The following SLC35F5 variants were observed in gnomAD, a reference collection of about 807,000 sequenced individuals.
The protein encoded by SLC35F5 is HCV NS5A-transactivated protein 3.
SLC35F5 carries 54 observed loss-of-function variants against 68.6 expected under a neutral mutation model. The observed-to-expected ratio is 0.79, with a 90% CI of 0.63 to 0.99. The LOEUF is 0.99. Among genes scored for constraint, SLC35F5 ranks in the 50% least tolerant of loss-of-function variants. The pLI is 0.00. For missense variants in SLC35F5, 567 were observed against 626.9 expected, an observed-to-expected ratio of 0.90 and a Z score of 1.02; for synonymous variants, 211 against 205.2, an observed-to-expected ratio of 1.03 and a Z score of -0.24.
chr2:113,750,593 C>T (rs746843358), intron 3 of SLC35F5, 25 bp from the exon 4 acceptor site: 1 of 1,587,070 alleles, frequency 6.3e-7, no homozygotes, highest in Non-Finnish European at 8.6e-7. Context: ...GTTACACAGA[C>T]AACTCTGAGA....
intron 5 of SLC35F5, among the ~76,000 whole-genome samples, chr2:113,745,264 C>A (rs549703556): frequency 6.6e-6 from 1 of 151,946 alleles, no homozygotes; most frequent in South Asian, 2.1e-4. Context: ...GCTTAAGATC[C>A]CAGGAAAAAA....
chr2:113,733,803 A>G (rs1443169140), intron 9 of SLC35F5, among the ~76,000 whole-genome samples: 1 of 152,266 alleles, frequency 6.6e-6, no homozygotes, highest in Non-Finnish European at 1.5e-5. Flanking sequence ...GAGTTTAAGA[A>G]AACTGCCCCA....
In SLC35F5 at chr2:113,713,326, C is replaced by T. The variant is rs1687058783; in HGVS notation, c.*1892G>A. ...TTAGTACTTCCAGAATCCTGAGTAA[C>T]AACACATGACCTGTGTGATGATAAG... On this transcript the variant is annotated 3_prime_UTR_variant, in exon 16 of 16. Transcript: ENST00000245680. 1 of 152,174 alleles carries T rather than the reference C, an allele frequency of 6.6e-6. No individual in the cohort carries two copies. The highest frequency in any genetic ancestry group is 1.5e-5 in the Non-Finnish European group (1 of 68,036). 9.4% of individuals were successfully genotyped at this position (152,174 alleles called of 1,614,324 possible).
At position 113,753,168 on chromosome 2, in the gene SLC35F5, C is replaced by CTTTTTTTTTTTTTT. The variant is rs1173478465; in HGVS notation, c.273+1983_273+1996dup. 3.9e-3 allele frequency among the ~76,000 whole-genome samples: 193 copies of CTTTTTTTTTTTTTT among 49,070 alleles called. 61 individuals are homozygous for CTTTTTTTTTTTTTT. Among genetic ancestry groups the CTTTTTTTTTTTTTT allele is most frequent in the Non-Finnish European group, 5.5e-3 (155 of 28,286 alleles). 32.2% of individuals were successfully genotyped at this position (49,070 alleles called of 152,430 possible). ...CACTTTATCTCCAAAGTTTGTTTTT[C>CTTTTTTTTTTTTTT]TTTTTTTTTTTTTTTTTTTTTTTTT... On this transcript the variant is annotated intron_variant, in intron 3 of 15. Transcript: ENST00000245680.
At chr2:113,717,563 AAG>A in intron 15 of SLC35F5, 188 bp downstream of exon 15, 1 of 397,224 alleles carries the variant, frequency 2.5e-6, no homozygotes, top group East Asian at 3.8e-5. Context: ...CTGGAGCATC[AAG>A]AGATTAAGAA....
chr2:113,742,627 G>A (rs777043664), intron 7 of SLC35F5, 65 bp downstream of exon 7: 1 of 1,470,902 alleles, frequency 6.8e-7, no homozygotes, highest in Non-Finnish European at 9.4e-7. Flanking sequence ...TATATTGTTG[G>A]TATGTATACA....
In SLC35F5 at chr2:113,755,494, C is replaced by CG; in HGVS notation, c.90dup (p.Gly31ArgfsTer5). 6.2e-7 allele frequency: 1 copy of CG among 1,614,004 alleles called. No individual in the cohort carries two copies. The highest frequency in any genetic ancestry group is 8.5e-7 in the Non-Finnish European group (1 of 1,179,982). ...CTTCTGAGATCCTCAAGAGCAATGC[C>CG]GGAAAACTTGGCAGATCTCAGTCTA... On this transcript the variant is annotated frameshift_variant, in exon 2 of 16. Transcript: ENST00000245680. LOFTEE classifies it high-confidence loss of function.
At chr2:113,715,298 C>A (rs537376269) in intron 15 of SLC35F5, 103 bp from the exon 16 acceptor site, 5 of 152,036 alleles carry the variant, frequency 3.3e-5, no homozygotes, top group African/African-American at 9.7e-5. Flanking sequence ...ATTGAAATAC[C>A]TATTTTCACT....
rs1377423430 is a variant in SLC35F5, at chr2:113,713,351, G to A, written c.*1867C>T. On this transcript the variant is annotated 3_prime_UTR_variant, in exon 16 of 16. Transcript: ENST00000245680. ...CAACACATGACCTGTGTGATGATAA[G>A]AGCACAGAACACATGAACAACCAAA... 2.0e-5 allele frequency: 3 copies of A among 151,954 alleles called. No individual in the cohort carries two copies. Among genetic ancestry groups the A allele is most frequent in the Non-Finnish European group, 4.4e-5 (3 of 67,980 alleles). The allele number at this position is 151,954 out of a possible 1,614,324, so 9.4% of individuals were successfully genotyped here. A position where few individuals can be genotyped will look rare whatever the true frequency, so the allele number is the denominator to read the frequency against.
chr2:113,704,475 C>T (rs1271090632), downstream of SLC35F5, among the ~76,000 whole-genome samples: 3 of 152,176 alleles, frequency 2.0e-5, no homozygotes, highest in East Asian at 3.9e-4. Flanking sequence ...GAGCAGGGGG[C>T]GCTCTGGCCA....
intron 4 of SLC35F5, among the ~76,000 whole-genome samples, chr2:113,746,597 A>C (rs1053772982): frequency 6.6e-6 from 1 of 152,146 alleles, no homozygotes; most frequent in African/African-American, 2.4e-5. Flanking sequence ...TTAGTCTAAA[A>C]CCAAAGCTTA....
At chr2:113,717,267 T>C (rs1490288364) in intron 15 of SLC35F5, among the ~76,000 whole-genome samples, 2 of 152,148 alleles carry the variant, frequency 1.3e-5, no homozygotes, top group African/African-American at 4.8e-5. Context: ...AGAATGAGGA[T>C]AAACACTGTG....
At chr2:113,755,619 C>G in intron 1 of SLC35F5, 75 bp from the exon 2 acceptor site, 1 of 1,356,590 alleles carries the variant, frequency 7.4e-7, no homozygotes, top group Non-Finnish European at 1.0e-6. Flanking sequence ...GTTTTTTACT[C>G]TTCATCTTCA....
At chr2:113,755,622 C>T (rs1676948767) in intron 1 of SLC35F5, 78 bp from the exon 2 acceptor site, 2 of 1,330,294 alleles carry the variant, frequency 1.5e-6, no homozygotes, top group South Asian at 1.2e-5. Context: ...TTTTACTCTT[C>T]ATCTTCAAAC....
chr2:113,729,357 A>T, intron 11 of SLC35F5, 44 bp downstream of exon 11: 1 of 1,009,272 alleles, frequency 9.9e-7, no homozygotes, highest in Non-Finnish European at 1.5e-6. Flanking sequence ...ACCCTGTGTT[A>T]ATCATTTAGA....
chr2:113,743,547 T>C (rs940642591), intron 6 of SLC35F5, among the ~76,000 whole-genome samples, 166 bp downstream of exon 6: 1 of 152,212 alleles, frequency 6.6e-6, no homozygotes, highest in Non-Finnish European at 1.5e-5. Context: ...AAAATGATTA[T>C]ACTATATTAG....
At chr2:113,705,727 TCA>T (rs1218968685), downstream of SLC35F5, among the ~76,000 whole-genome samples, 9 of 114,864 alleles carry the variant, frequency 7.8e-5, no homozygotes, top group East Asian at 1.9e-3. Context: ...GATTCTATTT[TCA>T]GTCTTTCAAG....
chr2:113,720,144 A>C (rs1053429214), intron 13 of SLC35F5, among the ~76,000 whole-genome samples: 1 of 151,928 alleles, frequency 6.6e-6, no homozygotes, highest in African/African-American at 2.4e-5. Context: ...CCCTTTCACT[A>C]GTTCACTTTT....
At chr2:113,750,352 T>G in intron 4 of SLC35F5, 73 bp downstream of exon 4, 1 of 1,355,690 alleles carries the variant, frequency 7.4e-7, no homozygotes. Context: ...TTAAAGAAAC[T>G]AATACATCTT....
Sources: gnomAD v4.1 joint callset for allele counts (sites outside exome capture counted in the v4.1 genomes callset) on GRCh38, gnomAD v4.1.1 for gene constraint, MANE v1.5 for transcripts, NCBI Gene and HGNC (gene_info 2026-07-23, HGNC 2026-07-21) for gene names.